TMC3: variants seen among roughly 807,000 people sequenced by gnomAD.
The protein encoded by TMC3 is transmembrane channel-like protein 3.
Under a neutral mutation model 110.6 loss-of-function variants are expected in TMC3, and 98 were observed. The observed-to-expected ratio is 0.89, with a 90% confidence interval of 0.75 to 1.05. The LOEUF is 1.05. Ranked by LOEUF, TMC3 falls within the 50% of genes least tolerant of loss-of-function variation. TMC3 has a pLI of 0.00. For missense variants in TMC3, 1,319 were observed against 1,373.2 expected (o/e 0.96, Z 0.62); for synonymous variants, 489 against 513.1 (o/e 0.95, Z 0.63).
intron 9 of TMC3, 142 bp from the exon 10 acceptor site, chr15:81,351,983 C>T: frequency 1.1e-6 from 1 of 928,300 alleles, no homozygotes; most frequent in Non-Finnish European, 1.6e-6. Flanking sequence ...ACTTCCAGCC[C>T]ACCCCACCCA....
chr15:81,373,319 A>T (rs1312988917), intron 1 of TMC3, among the ~76,000 whole-genome samples: 1 of 152,208 alleles, frequency 6.6e-6, no homozygotes. Context: ...CATGGGTGAG[A>T]TATTTCAGGA....
Position 81,340,660 on chromosome 15 carries a change from C to T in TMC3, c.1844+730G>A, listed in dbSNP as rs534072811. 1.3e-4 allele frequency among the ~76,000 whole-genome samples: 20 copies of T among 152,282 alleles called. No homozygotes were observed. The South Asian group carries it at 4.1e-3, about 32-fold the overall frequency. On this transcript the variant is annotated intron_variant, in intron 16 of 21. Transcript: ENST00000359440. Reference sequence around the variant, plus strand: ...GGAACTCTCATATAATGCTGCTAGACATGTAAAATGGGGTGTTCATTTTAG... The same window carrying T: ...GGAACTCTCATATAATGCTGCTAGATATGTAAAATGGGGTGTTCATTTTAG...
chr15:81,353,011 G>T (rs748808110), intron 9 of TMC3, among the ~76,000 whole-genome samples: 2 of 152,120 alleles, frequency 1.3e-5, no homozygotes, highest in Non-Finnish European at 2.9e-5. Flanking sequence ...AGTAGAGACT[G>T]GGTTTTCCCA....
At chr15:81,343,165 C>A in intron 15 of TMC3, 113 bp downstream of exon 15, 1 of 576,006 alleles carries the variant, frequency 1.7e-6, no homozygotes. Flanking sequence ...GGAAACATCC[C>A]TTCTTAATGC....
At position 81,332,949 on chromosome 15, in the gene TMC3, C is replaced by G. The variant is rs373286005; in HGVS notation, c.2773G>C (p.Val925Leu). 1.2e-6 allele frequency: 2 copies of G among 1,612,198 alleles called. No homozygotes were observed. The highest frequency in any genetic ancestry group is 3.3e-5 in the Admixed American group (2 of 59,940). ...GDIVELYPRN[V>L]RQYASRVPRQ... is the part of the protein sequence containing the mutation. ...GGGACCCGGGATGCATATTGTCGCA[C>G]GTTCCTGGGGTACAGCTCCACAATG... The change falls in exon 22 of 22, where the codon GTG (valine) becomes CTG (leucine). Residue 925 changes from valine to leucine, a missense_variant. Coordinates refer to ENST00000359440, the MANE Select transcript of TMC3 (RefSeq NM_001080532.3).
At chr15:81,348,858 C>T (rs1893880539) in intron 11 of TMC3, among the ~76,000 whole-genome samples, 1 of 152,206 alleles carries the variant, frequency 6.6e-6, no homozygotes, top group African/African-American at 2.4e-5. Flanking sequence ...GTTGCCCAGG[C>T]TGGAGTGCAG....
At chr15:81,334,433 AAAAT>A (rs1358223631) in intron 21 of TMC3, among the ~76,000 whole-genome samples, 2 of 152,222 alleles carry the variant, frequency 1.3e-5, no homozygotes, top group Non-Finnish European at 2.9e-5. Flanking sequence ...GTGGAACTAA[AAAAT>A]AAACAGTTAT....
chr15:81,337,729 G>T, intron 19 of TMC3, 117 bp downstream of exon 19: 6 of 828,272 alleles, frequency 7.2e-6, no homozygotes, highest in Middle Eastern at 2.4e-4. Context: ...ACCATAGTGG[G>T]TGGCCAAGAG....
In TMC3 at chr15:81,356,450, G is replaced by A; in HGVS notation, c.888C>T (p.Ile296=). Residue 296 remains isoleucine, a synonymous_variant, in exon 8 of 22, where the codon ATC becomes ATT. Coordinates refer to ENST00000359440, the MANE Select transcript of TMC3 (RefSeq NM_001080532.3). ...CTGCACAGGCTCACTCACTCACCCT[G>A]ATGCTGTTCACTATGGCAGCTGTTT... is the stretch of plus-strand genomic sequence containing the variant. The part of the protein sequence containing the change: ...ESKTAAIVNS[I]REAILEEQEK... The A allele has an allele frequency of 6.4e-7, 1 of 1,565,960 alleles. No homozygotes were observed. The highest frequency in any genetic ancestry group is 1.2e-5 in the South Asian group (1 of 84,830).
intron 4 of TMC3, among the ~76,000 whole-genome samples, chr15:81,360,271 A>C (rs1411750261): frequency 6.6e-6 from 1 of 152,220 alleles, no homozygotes; most frequent in Non-Finnish European, 1.5e-5. Context: ...GTAACCCTCC[A>C]CAATTATTCT....
At position 81,332,559 on chromosome 15, in the gene TMC3, T is replaced by A. The variant is rs765722340; in HGVS notation, c.3163A>T (p.Ser1055Cys). The change falls in exon 22 of 22, where the codon AGC becomes TGC. Residue 1055 changes from serine (S) to cysteine (C), a missense_variant. By Grantham distance (112) the Ser-to-Cys change is moderately radical (BLOSUM62 -1). Transcript: ENST00000359440. ...ACCTGCAGGTACTGGTCAGCGCTGC[T>A]GTTCTGCTGGTCACTGCTGGATGCT... The part of the protein sequence containing the change: ...SAASSSDQQN[S>C]SADQYLQVTH... The A allele has an allele frequency of 2.5e-6, 4 of 1,613,866 alleles. No homozygotes were observed. The highest frequency in any genetic ancestry group is 2.2e-5 in the South Asian group (2 of 91,072).
intron 3 of TMC3, among the ~76,000 whole-genome samples, chr15:81,366,014 T>C (rs1186740160): frequency 6.6e-6 from 1 of 152,224 alleles, no homozygotes; most frequent in Non-Finnish European, 1.5e-5. Flanking sequence ...TCATTATACA[T>C]GTATGTATCA....
chr15:81,368,887 T>G (rs1046304529), intron 2 of TMC3, among the ~76,000 whole-genome samples: 1 of 148,226 alleles, frequency 6.7e-6, no homozygotes, highest in African/African-American at 2.6e-5. Flanking sequence ...TATCTCTGCC[T>G]AAATGTTCAG....
chr15:81,368,922 T>G (rs1894375807), intron 2 of TMC3, among the ~76,000 whole-genome samples: 1 of 150,122 alleles, frequency 6.7e-6, no homozygotes, highest in African/African-American at 2.5e-5. Context: ...TAAATATAAT[T>G]GGGATAGACA....
In TMC3 at chr15:81,334,820, C is replaced by T. The variant is rs1893555284; in HGVS notation, c.2359G>A (p.Val787Ile). ...GGGCTCTGGGGCATGGACTGTGCGA[C>T]TGTCTCTATCCTGCCACTCTTGCTG... Reference protein sequence around the residue: ...GSSKSGRIETVAQSMPQSPRP... With the variant: ...GSSKSGRIETIAQSMPQSPRP... The change falls in exon 21 of 22, where the codon GTC (valine) becomes ATC (isoleucine). Residue 787 changes from valine (V) to isoleucine (I), a missense_variant. Transcript: ENST00000359440. The T allele has an allele frequency of 1.9e-6, 3 of 1,614,032 alleles. No individual in the cohort carries two copies. In the African/African-American group the frequency reaches 4.0e-5, roughly 22 times the overall value.
chr15:81,354,384 GC>G (rs1894013327), intron 9 of TMC3, among the ~76,000 whole-genome samples: 1 of 152,336 alleles, frequency 6.6e-6, no homozygotes, highest in Admixed American at 6.5e-5. Context: ...CTTCTGAGGG[GC>G]TTATGAAATG....
chr15:81,355,898 A>C, intron 8 of TMC3, 130 bp from the exon 9 acceptor site: 1 of 598,086 alleles, frequency 1.7e-6, no homozygotes, highest in Non-Finnish European at 2.9e-6. Flanking sequence ...GATTCAATTG[A>C]TATAAATGAA....
intron 21 of TMC3, among the ~76,000 whole-genome samples, chr15:81,334,005 A>T (rs1253286365): frequency 6.6e-6 from 1 of 151,818 alleles, no homozygotes; most frequent in Non-Finnish European, 1.5e-5. Context: ...AAAAAAAAAA[A>T]GTTCTTCCTG....
At chr15:81,364,044 T>C (rs1450270362) in intron 3 of TMC3, among the ~76,000 whole-genome samples, 1 of 152,226 alleles carries the variant, frequency 6.6e-6, no homozygotes, top group Non-Finnish European at 1.5e-5. Context: ...TCTCCATCTG[T>C]ATAAGAAGTA....
Sources: gnomAD v4.1 joint callset for allele counts (sites outside exome capture counted in the v4.1 genomes callset) on GRCh38, gnomAD v4.1.1 for gene constraint, MANE v1.5 for transcripts, NCBI Gene and HGNC (gene_info 2026-07-23, HGNC 2026-07-21) for gene names.